The following VIL1 variants were observed in gnomAD, a reference collection of about 807,000 sequenced individuals.
The protein encoded by VIL1 is villin 1, also known as villin-1.
Under a neutral mutation model 104.0 loss-of-function variants are expected in VIL1, and 86 were observed. That is an observed-to-expected ratio of 0.83 (90% CI 0.69 to 0.99). The LOEUF is 0.99. VIL1 is among the 50% of genes least tolerant of loss of function. VIL1 has a pLI of 0.00. For synonymous variants in VIL1, 394 were observed against 412.6 expected (o/e 0.95, Z 0.55); for missense variants, 944 against 1,054.1 (o/e 0.90, Z 1.45).
chr2:218,443,946 C>G (rs1398783755), intron 19 of VIL1, among the ~76,000 whole-genome samples: 1 of 151,830 alleles, frequency 6.6e-6, no homozygotes, highest in Non-Finnish European at 1.5e-5. Context: ...TAAGACGCTG[C>G]GCCTAGCCTG....
rs532312245 is a variant in VIL1, at chr2:218,430,524, G to A, written c.949-201G>A. Among the ~76,000 whole-genome samples the A allele has an allele frequency of 1.2e-3, 187 of 152,188 alleles. 1 individual carries two copies. In the South Asian group the frequency reaches 0.018, roughly 15 times the overall value. On this transcript the variant is annotated intron_variant, in intron 9 of 19. Transcript: ENST00000248444. ...GTCTTGAGGCCAGTGTTAGGTTTCA[G>A]GCGGTATCAGATTTGACCTTGAGGC...
chr2:218,429,292 C>G lies in VIL1; in HGVS notation c.575C>G (p.Thr192Ser), dbSNP rs778857928. The change falls in exon 7 of 20, where the codon ACT becomes AGT. Residue 192 changes from threonine to serine, a missense_variant. Thr to Ser is a moderately conservative substitution (Grantham distance 58, BLOSUM62 1). Transcript: ENST00000248444. ...STRMERLRGM[T>S]LAKEIRDQER... ...CCAGGGGCCTTCCTGCAGGGCATGA[C>G]TCTGGCCAAGGAGATCCGAGACCAG... 2 of 1,612,454 alleles carry G rather than the reference C, an allele frequency of 1.2e-6. No individual in the cohort carries two copies. The highest frequency in any genetic ancestry group is 1.1e-5 in the South Asian group (1 of 90,872).
rs764402148 is a variant in VIL1 at position 218,429,258 on chromosome 2, G to A, written c.568-27G>A. 8 of 1,596,916 alleles carry A rather than the reference G, an allele frequency of 5.0e-6. No homozygotes were observed. In the East Asian group the frequency reaches 1.1e-4, roughly 22 times the overall value. On this transcript the variant is annotated intron_variant, in intron 6 of 19. Coordinates refer to ENST00000248444, the MANE Select transcript of VIL1 (RefSeq NM_007127.3). ...ACTGCCTCATTCCCCGACTACTCCCGATGGGTCACCAGGGGCCTTCCTGCA... is the reference window on the plus strand; with the variant it reads ...ACTGCCTCATTCCCCGACTACTCCCAATGGGTCACCAGGGGCCTTCCTGCA...
At chr2:218,435,259 T>C (rs1267576288) in intron 14 of VIL1, 30 bp from the exon 15 acceptor site, 9 of 1,606,888 alleles carry the variant, frequency 5.6e-6, no homozygotes, top group Non-Finnish European at 7.7e-6. Flanking sequence ...GGGGTGGCAC[T>C]AGAAATTAGC....
chr2:218,444,176 G>A (rs1404495908), intron 19 of VIL1, among the ~76,000 whole-genome samples: 1 of 151,724 alleles, frequency 6.6e-6, no homozygotes, highest in Admixed American at 6.6e-5. Context: ...CACCAGATTG[G>A]TCAGGTTGGT....
intron 17 of VIL1, among the ~76,000 whole-genome samples, chr2:218,438,253 T>C (rs1689228281): frequency 1.3e-5 from 2 of 152,200 alleles, no homozygotes; most frequent in African/African-American, 2.4e-5. Flanking sequence ...TTCACTCCTC[T>C]GTGGCAGGGC....
intron 4 of VIL1, among the ~76,000 whole-genome samples, chr2:218,426,819 G>A (rs1226740057): frequency 6.7e-6 from 1 of 149,990 alleles, no homozygotes; most frequent in Non-Finnish European, 1.5e-5. Context: ...AGCCAGGATG[G>A]TCTCAATCTC....
At chr2:218,444,684 GC>G (rs1447225642) in intron 19 of VIL1, among the ~76,000 whole-genome samples, 1 of 152,200 alleles carries the variant, frequency 6.6e-6, no homozygotes, top group African/African-American at 2.4e-5. Context: ...CTCTCTGTCT[GC>G]TCCAATCTTG....
In VIL1 at chr2:218,435,326, T is replaced by C; in HGVS notation, c.1718T>C (p.Val573Ala). 1.2e-6 allele frequency: 2 copies of C among 1,614,000 alleles called. No individual in the cohort carries two copies. Among genetic ancestry groups the C allele is most frequent in the Non-Finnish European group, 1.7e-6 (2 of 1,179,972 alleles). ...GACGAGCGGGAGATGGCCAAGATGG[T>C]TGCTGACACCATCTCCCGGACGGAG... ...SGDEREMAKM[V>A]ADTISRTEKQ... is the part of the protein sequence containing the mutation. Residue 573 changes from valine to alanine, a missense_variant, in exon 15 of 20, where the codon GTT (valine) becomes GCT (alanine). Coordinates refer to ENST00000248444, the MANE Select transcript of VIL1 (RefSeq NM_007127.3).
In VIL1 at chr2:218,450,090, G is replaced by A. The variant is rs555745927; in HGVS notation, c.*754G>A. ...AATAACAGGAATCAATGGGGACTAC[G>A]GCCAGACACTGGTTTGCCATTCTGT... On this transcript the variant is annotated 3_prime_UTR_variant, in exon 20 of 20. Coordinates refer to ENST00000248444, the MANE Select transcript of VIL1 (RefSeq NM_007127.3). 8 of 152,264 alleles carry A rather than the reference G, an allele frequency of 5.3e-5. No homozygotes were observed. Among genetic ancestry groups the A allele is most frequent in the East Asian group, 3.9e-4 (2 of 5,190 alleles). The allele number at this position is 152,264 out of a possible 1,614,324, so 9.4% of individuals were successfully genotyped here. A position where few individuals can be genotyped will look rare whatever the true frequency, so the allele number is the denominator to read the frequency against.
At chr2:218,447,810 C>G (rs1689391215) in intron 19 of VIL1, among the ~76,000 whole-genome samples, 2 of 152,032 alleles carry the variant, frequency 1.3e-5, no homozygotes, top group African/African-American at 4.8e-5. Flanking sequence ...TCACTGCAAC[C>G]TCTGCCTCCT....
At position 218,423,831 on chromosome 2, in the gene VIL1, G is replaced by T; in HGVS notation, c.53G>T (p.Gly18Val). The T allele has an allele frequency of 6.2e-7, 1 of 1,614,160 alleles. No individual in the cohort carries two copies. Among genetic ancestry groups the T allele is most frequent in the Non-Finnish European group, 8.5e-7 (1 of 1,180,026 alleles). The stretch of plus-strand genomic sequence containing the variant: ...GGCTCTCTCAACATCACCACCCCGG[G>T]GCTGCAGATATGGAGGATCGAGGTG... ...VKGSLNITTP[G>V]LQIWRIEAMQ... The change falls in exon 2 of 20, where the codon GGG (glycine) becomes GTG (valine). Residue 18 changes from glycine (G) to valine (V), a missense_variant. Physicochemically the swap from Gly to Val is moderately radical, Grantham distance 109 (BLOSUM62 -3). Coordinates refer to ENST00000248444, the MANE Select transcript of VIL1 (RefSeq NM_007127.3).
At position 218,425,812 on chromosome 2, in the gene VIL1, G is replaced by C; in HGVS notation, c.347+1G>C. On this transcript the variant is annotated splice_donor_variant, in intron 4 of 19. Transcript: ENST00000248444. LOFTEE classifies it high-confidence loss of function. ...GAGGCTACTTCAAGCAAGGCCTTGT[G>C]TAGGGAGGGTGGGCTGCAGGCCGGG... 1 of 1,602,856 alleles carries C rather than the reference G, an allele frequency of 6.2e-7. No individual in the cohort carries two copies. The highest frequency in any genetic ancestry group is 2.2e-5 in the East Asian group (1 of 44,744).
chr2:218,425,175 G>A (rs1688957897), intron 3 of VIL1, among the ~76,000 whole-genome samples: 1 of 152,144 alleles, frequency 6.6e-6, no homozygotes, highest in Admixed American at 6.5e-5. Flanking sequence ...CTGCCTCCTG[G>A]ATTCAAGCGA....
rs781521416 is a variant in VIL1, at chr2:218,435,444, AG to A, written c.1826+12del. ...ATGCCAACACCAAGAGGTAACTCTC[AG>A]GTCCCTCCGCCTCCAGGTTACCAAG... On this transcript the variant is annotated intron_variant, in intron 15 of 19. Coordinates refer to ENST00000248444, the MANE Select transcript of VIL1 (RefSeq NM_007127.3). 1.2e-6 allele frequency: 2 copies of A among 1,612,372 alleles called. No homozygotes were observed. The highest frequency in any genetic ancestry group is 4.5e-5 in the East Asian group (2 of 44,872).
At chr2:218,441,865 T>A (rs1268011091) in intron 19 of VIL1, among the ~76,000 whole-genome samples, 1 of 152,116 alleles carries the variant, frequency 6.6e-6, no homozygotes, top group Non-Finnish European at 1.5e-5. Flanking sequence ...CTTGTGCCTA[T>A]AATCCCAGCT....
intron 18 of VIL1, 91 bp downstream of exon 18, chr2:218,438,817 G>C: frequency 1.8e-6 from 2 of 1,089,510 alleles, no homozygotes; most frequent in Middle Eastern, 2.9e-4. Flanking sequence ...AGACACCAGA[G>C]TCCTGTGCTT....
intron 4 of VIL1, among the ~76,000 whole-genome samples, chr2:218,427,557 C>T (rs1314930778): frequency 6.6e-6 from 1 of 152,118 alleles, no homozygotes; most frequent in African/African-American, 2.4e-5. Flanking sequence ...AACTCCTGAC[C>T]TCAAATGATC....
Position 218,426,271 on chromosome 2 carries a change from T to C in VIL1, c.347+460T>C, listed in dbSNP as rs574626452. Among the ~76,000 whole-genome samples the C allele has an allele frequency of 1.4e-3, 220 of 152,252 alleles. 1 individual carries two copies. Among genetic ancestry groups the C allele is most frequent in the Non-Finnish European group, 2.6e-3 (177 of 67,996 alleles). On this transcript the variant is annotated intron_variant, in intron 4 of 19. Transcript: ENST00000248444. The stretch of plus-strand genomic sequence containing the variant: ...CTTTTCTTTTTCTTCCTTTTTTTTT[T>C]TGAGATGGAGTCTTGCTTTGTTGCC...
Sources: allele counts gnomAD v4.1 joint callset (sites outside exome capture counted in the v4.1 genomes callset), GRCh38; gene constraint gnomAD v4.1.1; transcripts MANE v1.5; gene names NCBI Gene and HGNC (gene_info 2026-07-23, HGNC 2026-07-21).